CSMD1: variants seen among roughly 807,000 people sequenced by gnomAD.
The protein encoded by CSMD1 is CUB and sushi domain-containing protein 1.
Under a neutral mutation model 417.5 loss-of-function variants are expected in CSMD1, and 213 were observed. The ratio of observed to expected loss-of-function variants is 0.51; its 90% CI spans 0.46 to 0.57. The LOEUF (loss-of-function observed/expected upper bound fraction) is 0.57. CSMD1 is among the 20% of genes least tolerant of loss of function. CSMD1 has a pLI of 0.00. For synonymous variants in CSMD1, 2,862 were observed against 1,736.8 expected (o/e 1.65, Z -16.11); for missense variants, 6,923 against 4,529.7 (o/e 1.53, Z -15.17).
chr8:3,848,199 A>T lies in CSMD1; in HGVS notation c.819-94157T>A, dbSNP rs564022249. 3.3e-5 allele frequency among the ~76,000 whole-genome samples: 5 copies of T among 152,286 alleles called. No individual in the cohort carries two copies. The South Asian group carries it at 8.3e-4, about 25-fold the overall frequency. ...TTACAGGCAAAAGCCAATGTCAGGA[A>T]CAATCAGAAGTTGTCAGGACATTGA... On this transcript the variant is annotated intron_variant, in intron 5 of 69. Transcript: ENST00000635120.
chr8:4,027,136 G>C (rs577194771), intron 4 of CSMD1, among the ~76,000 whole-genome samples: 10 of 152,264 alleles, frequency 6.6e-5, no homozygotes, highest in African/African-American at 1.9e-4. Flanking sequence ...ACTCATGTTG[G>C]GTACACTACC....
chr8:3,918,625 T>A (rs1808999915), intron 5 of CSMD1, among the ~76,000 whole-genome samples: 2 of 152,120 alleles, frequency 1.3e-5, no homozygotes, highest in Non-Finnish European at 1.5e-5. Context: ...GGAACCAGCA[T>A]AAATTCCCAT....
At chr8:4,153,009 G>T (rs1032927050) in intron 3 of CSMD1, among the ~76,000 whole-genome samples, 4 of 152,108 alleles carry the variant, frequency 2.6e-5, no homozygotes, top group African/African-American at 4.8e-5. Context: ...CGTAGCAAGT[G>T]CATACCATTT....
In CSMD1 at chr8:3,433,481, G is replaced by C. The variant is rs533778911; in HGVS notation, c.1562-23876C>G. 2.6e-5 allele frequency among the ~76,000 whole-genome samples: 4 copies of C among 152,232 alleles called. No homozygotes were observed. The East Asian group carries it at 5.8e-4, about 22-fold the overall frequency. On this transcript the variant is annotated intron_variant, in intron 12 of 69. Transcript: ENST00000635120. ...ATTTGTGGTTGGTGTTGTGTGGTGT[G>C]GGCGGATTGCTTCTTGGTTCATTTT...
intron 41 of CSMD1, among the ~76,000 whole-genome samples, chr8:3,123,143 G>A (rs551490724): frequency 1.3e-5 from 2 of 152,248 alleles, no homozygotes; most frequent in South Asian, 2.1e-4. Context: ...TAGGGACAGG[G>A]AACATTAAAA....
At chr8:3,069,474 C>T (rs1380995615) in intron 49 of CSMD1, among the ~76,000 whole-genome samples, 1 of 151,980 alleles carries the variant, frequency 6.6e-6, no homozygotes, top group African/African-American at 2.4e-5. Flanking sequence ...GGATTACATG[C>T]CCCATTCAAG....
At chr8:4,646,586 A>C (rs998090308) in intron 1 of CSMD1, among the ~76,000 whole-genome samples, 2 of 152,230 alleles carry the variant, frequency 1.3e-5, no homozygotes, top group African/African-American at 4.8e-5. Context: ...GCATATACAA[A>C]TTCTTTCTGT....
At chr8:3,276,436 T>A (rs34649937) in intron 26 of CSMD1, among the ~76,000 whole-genome samples, 41,796 of 152,080 alleles carry the variant, frequency 0.27, 5,969 homozygotes, top group African/African-American at 0.34. Flanking sequence ...GCAAGTCACA[T>A]CTTACATGGT....
chr8:3,817,548 G>A (rs1437813558), intron 5 of CSMD1, among the ~76,000 whole-genome samples: 3 of 151,948 alleles, frequency 2.0e-5, no homozygotes, highest in South Asian at 4.2e-4. Flanking sequence ...CAAAGCGCAG[G>A]GATTGCAGGC....
chr8:3,050,565 G>A (rs1400964211), intron 50 of CSMD1, among the ~76,000 whole-genome samples: 1 of 152,064 alleles, frequency 6.6e-6, no homozygotes, highest in Non-Finnish European at 1.5e-5. Context: ...GTTTAGGACT[G>A]AACTCAAAAA....
At chr8:3,090,224 G>A (rs1814842709) in intron 48 of CSMD1, among the ~76,000 whole-genome samples, 1 of 146,956 alleles carries the variant, frequency 6.8e-6, no homozygotes, top group African/African-American at 2.5e-5. Context: ...GGCTGAGGCA[G>A]GAGAATGGCC....
chr8:4,625,861 C>CTACA (rs1436891660), intron 2 of CSMD1, among the ~76,000 whole-genome samples: 1 of 152,024 alleles, frequency 6.6e-6, no homozygotes, highest in Admixed American at 6.6e-5. Flanking sequence ...GTAGCAGGGA[C>CTACA]TACAGGTACA....
At chr8:4,508,037 G>C (rs1267758762) in intron 2 of CSMD1, among the ~76,000 whole-genome samples, 2 of 147,800 alleles carry the variant, frequency 1.4e-5, no homozygotes, top group African/African-American at 5.0e-5. Flanking sequence ...AATTAAAATT[G>C]TCCCTATTAA....
intron 3 of CSMD1, among the ~76,000 whole-genome samples, chr8:4,076,045 T>C (rs942803997): frequency 4.6e-5 from 7 of 152,160 alleles, no homozygotes; most frequent in Admixed American, 6.5e-5. Flanking sequence ...GAAAGATAAG[T>C]GATATGGTTT....
chr8:3,954,106 GC>G (rs374831699), intron 5 of CSMD1, among the ~76,000 whole-genome samples: 2,521 of 152,268 alleles, frequency 0.017, 76 homozygotes, highest in African/African-American at 0.058. Context: ...TAGGAACGTG[GC>G]CAGTGGGAGA....
intron 3 of CSMD1, among the ~76,000 whole-genome samples, chr8:4,202,398 A>G (rs1426635556): frequency 2.0e-5 from 3 of 152,282 alleles, no homozygotes; most frequent in Non-Finnish European, 4.4e-5. Context: ...GTTCATTCTT[A>G]AGCTTTTTCA....
At chr8:4,314,619 AC>A in intron 3 of CSMD1, among the ~76,000 whole-genome samples, 1 of 152,046 alleles carries the variant, frequency 6.6e-6, no homozygotes, top group Non-Finnish European at 1.5e-5. Flanking sequence ...ACACACACAC[AC>A]ACACACAAAA....
chr8:4,651,012 G>A (rs1415269336), intron 1 of CSMD1, among the ~76,000 whole-genome samples: 1 of 152,084 alleles, frequency 6.6e-6, no homozygotes, highest in Admixed American at 6.5e-5. Context: ...AGAGACAAGG[G>A]ACCATTTGCA....
chr8:4,666,121 G>A (rs986935585), intron 1 of CSMD1, among the ~76,000 whole-genome samples: 2 of 152,096 alleles, frequency 1.3e-5, no homozygotes, highest in Non-Finnish European at 2.9e-5. Context: ...GGGGCGCTGA[G>A]CATCTTCTGA....
Sources: allele counts gnomAD v4.1 joint callset (sites outside exome capture counted in the v4.1 genomes callset), GRCh38; gene constraint gnomAD v4.1.1; transcripts MANE v1.5; gene names NCBI Gene and HGNC (gene_info 2026-07-23, HGNC 2026-07-21).